The following GLI3 variants were observed in gnomAD, a reference collection of about 807,000 sequenced individuals.
GLI3 encodes GLI family zinc finger 3, also known as transcription activator GLI3.
Under a neutral mutation model 100.8 loss-of-function variants are expected in GLI3, and 20 were observed. The observed-to-expected ratio is 0.20, with a 90% CI of 0.14 to 0.29. GLI3 has a LOEUF of 0.29. Ranked by LOEUF, GLI3 falls within the 10% of genes least tolerant of loss-of-function variation. The pLI, the probability that GLI3 is intolerant of heterozygous loss-of-function variation, is 1.00. For missense variants in GLI3, 2,040 were observed against 2,128.5 expected, an observed-to-expected ratio of 0.96 and a Z score of 0.82; for synonymous variants, 938 against 860.5, an observed-to-expected ratio of 1.09 and a Z score of -1.58.
At chr7:42,182,293 G>A (rs1048063654) in intron 2 of GLI3, among the ~76,000 whole-genome samples, 11 of 151,918 alleles carry the variant, frequency 7.2e-5, no homozygotes, top group African/African-American at 2.2e-4. Flanking sequence ...AGTCAAATAC[G>A]GTGAGTGGCT....
chr7:42,115,161 C>T (rs868693455), intron 3 of GLI3, among the ~76,000 whole-genome samples: 7 of 97,692 alleles, frequency 7.2e-5, no homozygotes, highest in South Asian at 3.6e-4. Flanking sequence ...TTTTTTGAGA[C>T]GGAGTCTCGC....
At chr7:42,131,787 T>C (rs1786283121) in intron 3 of GLI3, among the ~76,000 whole-genome samples, 1 of 152,124 alleles carries the variant, frequency 6.6e-6, no homozygotes, top group Non-Finnish European at 1.5e-5. Context: ...CTCTTTAAAG[T>C]TATAAAAGCA....
At chr7:42,199,891 A>C (rs1788003450) in intron 2 of GLI3, among the ~76,000 whole-genome samples, 2 of 152,136 alleles carry the variant, frequency 1.3e-5, no homozygotes, top group Admixed American at 1.3e-4. Context: ...CCCCGTCTCT[A>C]CTAAAAATAC....
chr7:42,166,672 T>C (rs1787249023), intron 2 of GLI3, among the ~76,000 whole-genome samples: 1 of 144,616 alleles, frequency 6.9e-6, no homozygotes, highest in East Asian at 2.1e-4. Context: ...TTTTTTTTTT[T>C]TTTTTGAGAC....
chr7:42,034,644 T>C (rs892907415), intron 7 of GLI3, among the ~76,000 whole-genome samples: 1 of 152,050 alleles, frequency 6.6e-6, no homozygotes, highest in African/African-American at 2.4e-5. Context: ...TTGGCCTCCT[T>C]CTTAGAAACT....
chr7:42,078,127 C>T (rs1784919182), intron 3 of GLI3, among the ~76,000 whole-genome samples: 1 of 152,164 alleles, frequency 6.6e-6, no homozygotes, highest in African/African-American at 2.4e-5. Context: ...CACAGAGCGT[C>T]CCCCCGCTGA....
chr7:42,176,461 C>T (rs1340810577), intron 2 of GLI3, among the ~76,000 whole-genome samples: 2 of 152,210 alleles, frequency 1.3e-5, no homozygotes, highest in Admixed American at 6.5e-5. Context: ...CAGGGGCCTG[C>T]CTGTTCCTTC....
intron 10 of GLI3, among the ~76,000 whole-genome samples, chr7:42,022,529 A>G (rs1788974309): frequency 6.6e-6 from 1 of 152,236 alleles, no homozygotes; most frequent in East Asian, 1.9e-4. Context: ...GGGAATCGCA[A>G]CAAATGCTAC....
intron 10 of GLI3, among the ~76,000 whole-genome samples, chr7:42,014,288 C>T (rs73100819): frequency 5.4e-3 from 826 of 152,314 alleles, no homozygotes; most frequent in Non-Finnish European, 7.6e-3. Flanking sequence ...CATGGTGCTA[C>T]TCGGCTCTTT....
chr7:42,075,087 G>C (rs989982933), intron 4 of GLI3, among the ~76,000 whole-genome samples: 1 of 152,156 alleles, frequency 6.6e-6, no homozygotes, highest in Non-Finnish European at 1.5e-5. Context: ...CACAGTGGGG[G>C]CTACAGGAGG....
At chr7:42,038,721 C>T (rs917666551) in intron 7 of GLI3, among the ~76,000 whole-genome samples, 1 of 152,218 alleles carries the variant, frequency 6.6e-6, no homozygotes, top group African/African-American at 2.4e-5. Context: ...GGATTTACCA[C>T]ATTTAAATAT....
chr7:42,025,991 A>G (rs1465564921), intron 8 of GLI3, among the ~76,000 whole-genome samples: 2 of 152,196 alleles, frequency 1.3e-5, no homozygotes, highest in African/African-American at 4.8e-5. Context: ...TGGGAAAATG[A>G]CCCTGGGGGA....
chr7:42,061,452 A>C (rs1784567437), intron 4 of GLI3, among the ~76,000 whole-genome samples: 1 of 152,030 alleles, frequency 6.6e-6, no homozygotes, highest in South Asian at 2.1e-4. Flanking sequence ...GATTCTTTTA[A>C]TCACCTTTAT....
At chr7:42,098,672 C>T (rs1454741052) in intron 3 of GLI3, among the ~76,000 whole-genome samples, 1 of 152,152 alleles carries the variant, frequency 6.6e-6, no homozygotes, top group African/African-American at 2.4e-5. Flanking sequence ...GGCTATCTTC[C>T]ACCCTATCAT....
At chr7:42,148,502 A>G in intron 2 of GLI3, 34 bp from the exon 3 acceptor site, 2 of 1,598,526 alleles carry the variant, frequency 1.3e-6, no homozygotes, top group Non-Finnish European at 1.7e-6. Flanking sequence ...GACTCTGTAA[A>G]CTACTTTAAG....
chr7:42,139,627 C>G (rs916770095), intron 3 of GLI3, among the ~76,000 whole-genome samples: 1 of 151,768 alleles, frequency 6.6e-6, no homozygotes, highest in South Asian at 2.1e-4. Context: ...TGCGGTGAGC[C>G]GAGATCACAC....
intron 1 of GLI3, among the ~76,000 whole-genome samples, chr7:42,243,202 G>T (rs560552978): frequency 6.6e-6 from 1 of 152,300 alleles, no homozygotes; most frequent in Non-Finnish European, 1.5e-5. Flanking sequence ...GAAGGACATA[G>T]GATCTCGGAG....
chr7:42,225,242 T>C (rs1403807163), intron 1 of GLI3, among the ~76,000 whole-genome samples: 2 of 152,208 alleles, frequency 1.3e-5, no homozygotes, highest in Non-Finnish European at 2.9e-5. Flanking sequence ...TTGCTAAGCA[T>C]TCAGATTCCT....
At chr7:42,046,437 A>G (rs147843499) in intron 5 of GLI3, among the ~76,000 whole-genome samples, 1 of 152,322 alleles carries the variant, frequency 6.6e-6, no homozygotes, top group Admixed American at 6.5e-5. Flanking sequence ...CTTTTTATCC[A>G]TGATACATGG....
Sources: allele counts gnomAD v4.1 joint callset (sites outside exome capture counted in the v4.1 genomes callset), GRCh38; gene constraint gnomAD v4.1.1; transcripts MANE v1.5; gene names NCBI Gene and HGNC (gene_info 2026-07-23, HGNC 2026-07-21).